Variants in SPATA31H1 observed in about 807,000 individuals in gnomAD.
SPATA31H1 encodes the protein spermatogenesis-associated protein 31H1.
At chr2:27,547,434 C>T in the SPATA31H1 span, among the ~76,000 whole-genome samples, 1 of 151,994 alleles carries the variant, frequency 6.6e-6, no homozygotes, top group African/African-American at 2.4e-5. Flanking sequence ...CTTGGCCTCC[C>T]AAGGTGCTGG....
the SPATA31H1 span, among the ~76,000 whole-genome samples, chr2:27,544,170 T>C: frequency 2.0e-5 from 3 of 152,094 alleles, no homozygotes; most frequent in African/African-American, 7.3e-5. Context: ...TACATATTTA[T>C]GTAATAAAAA....
chr2:27,540,345 C>T, the SPATA31H1 span, among the ~76,000 whole-genome samples: 1 of 111,082 alleles, frequency 9.0e-6, no homozygotes, highest in South Asian at 3.5e-4. Context: ...TAGGGGCGGC[C>T]GGGCAGAGGC....
At chr2:27,562,989 GT>G in the SPATA31H1 span, among the ~76,000 whole-genome samples, 1 of 151,370 alleles carries the variant, frequency 6.6e-6, no homozygotes, top group Non-Finnish European at 1.5e-5. Flanking sequence ...CATCTTCTAT[GT>G]TTTTTTTAGA....
the SPATA31H1 span, among the ~76,000 whole-genome samples, chr2:27,539,834 A>T: frequency 1.4e-5 from 1 of 69,760 alleles, no homozygotes; most frequent in Non-Finnish European, 2.7e-5. Context: ...GGCGCCCCTC[A>T]CCTCCCGGAC....
At chr2:27,539,279 G>C in the SPATA31H1 span, among the ~76,000 whole-genome samples, 1 of 150,186 alleles carries the variant, frequency 6.7e-6, no homozygotes, top group East Asian at 1.9e-4. Flanking sequence ...CGCAGTGTTT[G>C]TGTCCCTGGG....
chr2:27,566,166 G>C, the SPATA31H1 span: 30 of 715,920 alleles, frequency 4.2e-5, no homozygotes, highest in Non-Finnish European at 6.8e-5. Context: ...AAAGTACCTG[G>C]ACTCTGTTTT....
chr2:27,568,389 G>T, the SPATA31H1 span: 6,354 of 398,916 alleles, frequency 0.016, 328 homozygotes, highest in African/African-American at 0.12. Flanking sequence ...ACAAGGAAAG[G>T]CTACTCCAGG....
the SPATA31H1 span, among the ~76,000 whole-genome samples, chr2:27,555,793 A>G: frequency 6.6e-6 from 1 of 151,952 alleles, no homozygotes; most frequent in Non-Finnish European, 1.5e-5. Flanking sequence ...TATTCATCTT[A>G]TTCCTCCTTT....
chr2:27,580,116 C>T, the SPATA31H1 span: 20 of 1,614,000 alleles, frequency 1.2e-5, no homozygotes, highest in Middle Eastern at 3.3e-4. Flanking sequence ...CTCAAAGTAT[C>T]GTGAAAGAGA....
chr2:27,551,436 A>G, the SPATA31H1 span, among the ~76,000 whole-genome samples: 1 of 152,078 alleles, frequency 6.6e-6, no homozygotes, highest in South Asian at 2.1e-4. Flanking sequence ...GGCACCTGGG[A>G]CAAAACCAGA....
chr2:27,568,296 A>G, the SPATA31H1 span: 1 of 399,036 alleles, frequency 2.5e-6, no homozygotes, highest in Non-Finnish European at 4.4e-6. Flanking sequence ...AGTTACGGAA[A>G]CTGTGGAAAT....
the SPATA31H1 span, chr2:27,569,762 G>T: frequency 5.0e-6 from 2 of 398,770 alleles, no homozygotes; most frequent in Admixed American, 8.8e-5. Flanking sequence ...AGAGGGAAGA[G>T]CTCCAACGTG....
the SPATA31H1 span, chr2:27,570,519 G>A: frequency 2.8e-3 from 1,121 of 398,902 alleles, 6 homozygotes; most frequent in African/African-American, 0.021. Context: ...TTCCAAATTA[G>A]CAAAGATATT....
the SPATA31H1 span, chr2:27,581,263 G>A: frequency 1.2e-6 from 2 of 1,614,234 alleles, no homozygotes; most frequent in Admixed American, 1.7e-5. Context: ...CCCTCTTGGA[G>A]AAACCATCGC....
chr2:27,542,309 A>T, the SPATA31H1 span, among the ~76,000 whole-genome samples: 1 of 151,858 alleles, frequency 6.6e-6, no homozygotes, highest in African/African-American at 2.4e-5. Context: ...AGGCAGGAGA[A>T]TCGCTTGAAC....
the SPATA31H1 span, chr2:27,572,775 A>T: frequency 5.0e-6 from 2 of 397,854 alleles, no homozygotes; most frequent in Middle Eastern, 1.3e-3. Context: ...GAAATCTTCC[A>T]TAGAGTCAGG....
At chr2:27,553,404 G>A in the SPATA31H1 span, among the ~76,000 whole-genome samples, 1 of 151,994 alleles carries the variant, frequency 6.6e-6, no homozygotes, top group East Asian at 1.9e-4. Context: ...GGCTGATTAA[G>A]TCCATGTTTC....
the SPATA31H1 span, among the ~76,000 whole-genome samples, chr2:27,548,111 A>G: frequency 1.3e-5 from 2 of 149,922 alleles, no homozygotes; most frequent in African/African-American, 4.9e-5. Flanking sequence ...CCTCCCCAGT[A>G]GCTGGGACTA....
At chr2:27,548,040 G>A in the SPATA31H1 span, among the ~76,000 whole-genome samples, 6 of 135,762 alleles carry the variant, frequency 4.4e-5, no homozygotes, top group South Asian at 1.1e-3. Context: ...GGAGTGTAGT[G>A]GCACAGTCTC....
Sources: gnomAD v4.1 joint callset for allele counts (sites outside exome capture counted in the v4.1 genomes callset) on GRCh38, gnomAD v4.1.1 for gene constraint, MANE v1.5 for transcripts, NCBI Gene and HGNC (gene_info 2026-07-23, HGNC 2026-07-21) for gene names.